MACF1: variants seen among roughly 807,000 people sequenced by gnomAD.
MACF1 encodes microtubule-actin cross-linking factor 1.
A neutral mutation model predicts 854.8 loss-of-function variants in MACF1; 193 were observed. The observed-to-expected ratio is 0.23, with a 90% CI of 0.20 to 0.25. MACF1 has a LOEUF of 0.25. Among genes scored for constraint, MACF1 ranks in the 10% least tolerant of loss-of-function variants. The probability of loss-of-function intolerance (pLI) is 1.00; values close to 1 mark genes in which losing one functional copy is unlikely to be tolerated. For missense variants in MACF1, 7,722 were observed against 8,929.1 expected (o/e 0.86, Z 5.45); for synonymous variants, 3,185 against 3,226.7 (o/e 0.99, Z 0.44).
In MACF1 at chr1:39,309,670, C is replaced by T. The variant is rs1384921424; in HGVS notation, c.2890C>T (p.Leu964Phe). 2.7e-5 allele frequency: 44 copies of T among 1,613,972 alleles called. No homozygotes were observed. The highest frequency in any genetic ancestry group is 3.6e-5 in the Non-Finnish European group (43 of 1,179,990). Reference sequence around the variant, plus strand: ...GAACTATCTGCGTAAAGACCTTGACCTTGTACAGACCTGGAACCTAGAAAA... The same window carrying T: ...GAACTATCTGCGTAAAGACCTTGACTTTGTACAGACCTGGAACCTAGAAAA... Reference protein sequence around the residue: ...SWNYLRKDLDLVQTWNLEKLR... With the variant: ...SWNYLRKDLDFVQTWNLEKLR... The change falls in exon 24 of 101, where the codon CTT becomes TTT. Residue 964 changes from leucine to phenylalanine, a missense_variant. Leu to Phe is a conservative substitution (Grantham distance 22). Around this residue, in one of 15 missense-constraint regions of MACF1, gnomAD observed 1,137 missense variants for 1,263.0 expected, o/e 0.90. Transcript: ENST00000564288.
intron 2 of MACF1, among the ~76,000 whole-genome samples, chr1:39,173,351 A>AAAGAAAG (rs1553155693): frequency 7.9e-5 from 10 of 126,248 alleles, no homozygotes; most frequent in South Asian, 7.4e-4. Flanking sequence ...AAAAAAAAAA[A>AAAGAAAG]AAAGAAAGAA....
rs1644773514 is a variant in MACF1 at position 39,231,194 on chromosome 1, G to A, written c.122G>A (p.Arg41Gln). The A allele has an allele frequency of 2.5e-6, 4 of 1,614,054 alleles. No homozygotes were observed. The highest frequency in any genetic ancestry group is 2.5e-6 in the Non-Finnish European group (3 of 1,180,036). Residue 41 changes from arginine to glutamine, a missense_variant, in exon 2 of 101, where the codon CGG becomes CAG. Coordinates refer to ENST00000564288, the MANE Select transcript of MACF1 (RefSeq NM_001394062.1). ...HARGRADERD[R>Q]VQKKTFTKWV... ...GTTTCCTTTACAGATGAACGGGACC[G>A]GGTTCAGAAGAAAACGTTCACCAAG... is the stretch of plus-strand genomic sequence containing the variant.
At chr1:39,186,202 CTCTCTCTCTCTCTGTGTGTG>C (rs1393485149) in intron 2 of MACF1, among the ~76,000 whole-genome samples, 4 of 124,432 alleles carry the variant, frequency 3.2e-5, no homozygotes, top group African/African-American at 6.7e-5. Flanking sequence ...CTCTCTCTCT[CTCTCTCTCTCTCTGTGTGTG>C]TGTGTGTGTG....
intron 58 of MACF1, among the ~76,000 whole-genome samples, chr1:39,408,883 C>T (rs1434280437): frequency 6.6e-6 from 1 of 151,962 alleles, no homozygotes; most frequent in Non-Finnish European, 1.5e-5. Flanking sequence ...GCCTCCAATC[C>T]TCTCCACCGC....
chr1:39,158,166 C>T (rs1643727878), intron 2 of MACF1, among the ~76,000 whole-genome samples: 1 of 152,120 alleles, frequency 6.6e-6, no homozygotes, highest in African/African-American at 2.4e-5. Context: ...TAGTGACTGA[C>T]ACATTAAAGC....
In MACF1 at chr1:39,469,552, C is replaced by G; in HGVS notation, c.21895C>G (p.His7299Asp). The G allele has an allele frequency of 6.5e-7, 1 of 1,549,202 alleles. No homozygotes were observed. The part of the protein sequence containing the change: ...LVKNDPCRVH[H>D]PGSKIKRSDS... ...TTACGTATTTTTTATTCTAGTTCAC[C>G]ATCCTGGGAGTAAAATAAAGCGCTC... Residue 7299 changes from histidine to aspartate, a missense_variant, in exon 97 of 101, where the codon CAT (histidine) becomes GAT (aspartate). Coordinates refer to ENST00000564288, the MANE Select transcript of MACF1 (RefSeq NM_001394062.1).
intron 2 of MACF1, among the ~76,000 whole-genome samples, chr1:39,124,406 G>A (rs1379087866): frequency 1.3e-5 from 2 of 152,166 alleles, no homozygotes; most frequent in Non-Finnish European, 2.9e-5. Context: ...ATAGGGTTGT[G>A]GGGGAGAGTA....
chr1:39,256,784 G>A (rs1300920272), intron 5 of MACF1, among the ~76,000 whole-genome samples: 1 of 151,942 alleles, frequency 6.6e-6, no homozygotes, highest in Non-Finnish European at 1.5e-5. Context: ...GGCATGGCAG[G>A]TATGGATATC....
chr1:39,108,048 CA>C (rs1277972165), intron 2 of MACF1, among the ~76,000 whole-genome samples: 2 of 149,322 alleles, frequency 1.3e-5, no homozygotes, highest in African/African-American at 4.9e-5. Context: ...GCTTGGCAAC[CA>C]TTTTTTTTTT....
At chr1:39,347,486 G>A (rs951369135) in intron 41 of MACF1, among the ~76,000 whole-genome samples, 9 of 152,040 alleles carry the variant, frequency 5.9e-5, no homozygotes, top group East Asian at 1.9e-4. Flanking sequence ...CTTTTCCTTC[G>A]CTGTATCTCA....
chr1:39,113,237 A>G (rs1642457427), intron 2 of MACF1, among the ~76,000 whole-genome samples: 1 of 152,090 alleles, frequency 6.6e-6, no homozygotes, highest in Non-Finnish European at 1.5e-5. Context: ...CCATCATAGT[A>G]TCTGCTTGTA....
At chr1:39,291,418 T>C (rs748386242) in intron 15 of MACF1, among the ~76,000 whole-genome samples, 1 of 152,246 alleles carries the variant, frequency 6.6e-6, no homozygotes, top group African/African-American at 2.4e-5. Flanking sequence ...ATTCTTCCTA[T>C]GTCTGCATAA....
At chr1:39,190,401 G>GTTTTTTTTTT (rs71057198) in intron 2 of MACF1, among the ~76,000 whole-genome samples, 4 of 105,964 alleles carry the variant, frequency 3.8e-5, no homozygotes, top group African/African-American at 7.6e-5. Context: ...GTTTGTTTTT[G>GTTTTTTTTTT]TTTTTTTTTT....
intron 6 of MACF1, among the ~76,000 whole-genome samples, chr1:39,278,661 G>T (rs535258187): frequency 3.3e-5 from 5 of 152,234 alleles, no homozygotes; most frequent in African/African-American, 1.2e-4. Flanking sequence ...TAATATGTAC[G>T]TGAAGCAGCT....
intron 38 of MACF1, among the ~76,000 whole-genome samples, chr1:39,338,065 G>A (rs568854383): frequency 3.9e-5 from 6 of 152,214 alleles, no homozygotes; most frequent in East Asian, 1.9e-4. Context: ...CACCACGCCC[G>A]GCCCTACCAA....
At position 39,303,044 on chromosome 1, in the gene MACF1, C is replaced by G. The variant is rs779980957; in HGVS notation, c.2755C>G (p.Pro919Ala). ...GCCGTCAGTCTGCTTCCTCATCCCC[C>G]CACCCAATAAGGATGCCATTGAGAT... The part of the protein sequence containing the change: ...MVPSVCFLIP[P>A]PNKDAIEMAS... Residue 919 changes from proline to alanine, a missense_variant, in exon 23 of 101, where the codon CCA becomes GCA. This residue lies in a region of MACF1 where 1,137 missense variants were observed against 1,263.0 expected (regional missense o/e 0.90). Coordinates refer to ENST00000564288, the MANE Select transcript of MACF1 (RefSeq NM_001394062.1). 1 of 1,614,156 alleles carries G rather than the reference C, an allele frequency of 6.2e-7. No homozygotes were observed. Among genetic ancestry groups the G allele is most frequent in the South Asian group, 1.1e-5 (1 of 91,074 alleles).
intron 79 of MACF1, 137 bp downstream of exon 79, chr1:39,443,711 G>T: frequency 1.0e-6 from 1 of 959,874 alleles, no homozygotes; most frequent in East Asian, 2.8e-5. Flanking sequence ...ATAACCTTTG[G>T]GGATTGCTGC....
chr1:39,403,843 G>A (rs553902013), intron 58 of MACF1, among the ~76,000 whole-genome samples: 1 of 151,910 alleles, frequency 6.6e-6, no homozygotes, highest in African/African-American at 2.4e-5. Context: ...TTTTTGGGCG[G>A]GGGGGCCGGG....
chr1:39,158,541 G>A (rs998391262), intron 2 of MACF1, among the ~76,000 whole-genome samples: 16 of 152,304 alleles, frequency 1.1e-4, no homozygotes, highest in African/African-American at 3.9e-4. Flanking sequence ...TAAAGATTTT[G>A]TTCTCAAATG....
Sources: allele counts gnomAD v4.1 joint callset (sites outside exome capture counted in the v4.1 genomes callset), GRCh38; gene constraint gnomAD v4.1.1; regional missense constraint gnomAD v4.1.1; transcripts MANE v1.5; gene names NCBI Gene and HGNC (gene_info 2026-07-23, HGNC 2026-07-21).